The following YLPM1 variants were observed in gnomAD, a reference collection of about 807,000 sequenced individuals.
YLPM1 encodes the protein YLP motif containing 1, also known as YLP motif-containing protein 1.
A neutral mutation model predicts 230.0 loss-of-function variants in YLPM1; 99 were observed. That is an observed-to-expected ratio of 0.43 (90% CI 0.37 to 0.51). YLPM1 has a LOEUF of 0.51. Among genes scored for constraint, YLPM1 ranks in the 20% least tolerant of loss-of-function variants. The probability of loss-of-function intolerance (pLI) is 0.00; values close to 1 mark genes in which losing one functional copy is unlikely to be tolerated. For synonymous variants in YLPM1, 984 were observed against 942.5 expected, an observed-to-expected ratio of 1.04 and a Z score of -0.81; for missense variants, 2,592 against 2,707.7, an observed-to-expected ratio of 0.96 and a Z score of 0.95.
chr14:74,772,702 G>A (rs1407363759), intron 1 of YLPM1, among the ~76,000 whole-genome samples: 4 of 152,136 alleles, frequency 2.6e-5, no homozygotes, highest in East Asian at 1.9e-4. Context: ...ATTCAATCTC[G>A]TTTTAAATGT....
In YLPM1 at chr14:74,800,114, T is replaced by C. The variant is rs998238651; in HGVS notation, c.4400+417T>C. The stretch of plus-strand genomic sequence containing the variant: ...TAATCATTGATAAAACTTTGGAAAG[T>C]GCTGTATTTTTCTTTGTTGAAGCTA... On this transcript the variant is annotated intron_variant, in intron 5 of 20. Transcript: ENST00000325680. 5.9e-5 allele frequency among the ~76,000 whole-genome samples: 9 copies of C among 152,356 alleles called. No homozygotes were observed. In the South Asian group the frequency reaches 1.0e-3, roughly 18 times the overall value.
chr14:74,818,089 CAATATTAAATTAATATTTAACA>C, intron 15 of YLPM1, 120 bp from the exon 16 acceptor site: 10 of 336,436 alleles, frequency 3.0e-5, no homozygotes, highest in Non-Finnish European at 9.7e-6. Context: ...TTAGACTTTA[CAATATTAAATTAATATTTAACA>C]AATATTTAAT....
At chr14:74,803,932 T>C (rs2270431) in intron 6 of YLPM1, among the ~76,000 whole-genome samples, 95,309 of 151,868 alleles carry the variant, frequency 0.63, 30,389 homozygotes, top group East Asian at 0.72. Flanking sequence ...CCAAGGCGGG[T>C]GGATCACTTG....
chr14:74,777,990 A>G (rs2091058621), intron 1 of YLPM1, among the ~76,000 whole-genome samples: 1 of 151,876 alleles, frequency 6.6e-6, no homozygotes, highest in Non-Finnish European at 1.5e-5. Context: ...AAAAAGAAAG[A>G]AAAGAGGGAG....
At chr14:74,797,537 TC>T in intron 4 of YLPM1, 42 bp from the exon 5 acceptor site, 1 of 1,396,564 alleles carries the variant, frequency 7.2e-7, no homozygotes, top group African/African-American at 1.4e-5. Context: ...ATTTTTTTTT[TC>T]TGCTTTACTG....
At chr14:74,765,040 T>C (rs1026736561) in intron 1 of YLPM1, among the ~76,000 whole-genome samples, 1 of 152,206 alleles carries the variant, frequency 6.6e-6, no homozygotes, top group African/African-American at 2.4e-5. Context: ...ATGAGCAATT[T>C]TCTGCGTTTC....
chr14:74,789,112 A>G (rs1295938067), intron 4 of YLPM1, among the ~76,000 whole-genome samples: 1 of 152,074 alleles, frequency 6.6e-6, no homozygotes, highest in African/African-American at 2.4e-5. Context: ...CCTGTGGTCT[A>G]TTTGTCTGTC....
In YLPM1 at chr14:74,829,251, C is replaced by T. The variant is rs756217023; in HGVS notation, c.6202C>T (p.Arg2068Cys). 5.0e-6 allele frequency: 8 copies of T among 1,613,020 alleles called. No individual in the cohort carries two copies. Among genetic ancestry groups the T allele is most frequent in the South Asian group, 4.4e-5 (4 of 91,080 alleles). The change falls in exon 19 of 21, where the codon CGT becomes TGT. Residue 2068 changes from arginine to cysteine, a missense_variant. Coordinates refer to ENST00000325680, the MANE Select transcript of YLPM1 (RefSeq NM_019589.3). ...DGLRTGTKRK[R>C]DWEAIASRME... Reference sequence around the variant, plus strand: ...CTTGAGGACTGGTACTAAAAGGAAACGTGACTGGGAGGCCATTGCCAGCAG... The same window carrying T: ...CTTGAGGACTGGTACTAAAAGGAAATGTGACTGGGAGGCCATTGCCAGCAG...
chr14:74,772,687 C>A (rs369128549), intron 1 of YLPM1, among the ~76,000 whole-genome samples: 1 of 152,074 alleles, frequency 6.6e-6, no homozygotes, highest in Non-Finnish European at 1.5e-5. Flanking sequence ...GTTTGAAATC[C>A]CTTCATTCAA....
Position 74,835,430 on chromosome 14 carries a change from A to C in YLPM1, c.*19A>C. 6.2e-7 allele frequency: 1 copy of C among 1,612,524 alleles called. No homozygotes were observed. Among genetic ancestry groups the C allele is most frequent in the Non-Finnish European group, 8.5e-7 (1 of 1,179,054 alleles). On this transcript the variant is annotated 3_prime_UTR_variant, in exon 20 of 21. Coordinates refer to ENST00000325680, the MANE Select transcript of YLPM1 (RefSeq NM_019589.3). ...TATATGAGACTTAGTTTTTGAACGG[A>C]GTCATTATTCCTCTAAGGTAAGAGT...
intron 5 of YLPM1, among the ~76,000 whole-genome samples, chr14:74,802,316 A>C (rs2091335429): frequency 6.6e-6 from 1 of 152,126 alleles, no homozygotes; most frequent in Admixed American, 6.5e-5. Flanking sequence ...GGCAGGTTGT[A>C]GAATCTATTC....
chr14:74,808,090 A>G (rs2091396494), intron 6 of YLPM1, among the ~76,000 whole-genome samples: 1 of 152,218 alleles, frequency 6.6e-6, no homozygotes, highest in Admixed American at 6.5e-5. Flanking sequence ...AATTTGGAGT[A>G]TGGAAATTTT....
chr14:74,801,351 G>T (rs560584110), intron 5 of YLPM1, among the ~76,000 whole-genome samples: 13 of 152,106 alleles, frequency 8.5e-5, no homozygotes, highest in Non-Finnish European at 1.3e-4. Context: ...CCCTTACTTT[G>T]TGGTCCCTCA....
chr14:74,793,879 C>T (rs1275353703), intron 4 of YLPM1, among the ~76,000 whole-genome samples: 3 of 152,174 alleles, frequency 2.0e-5, no homozygotes, highest in Admixed American at 2.0e-4. Flanking sequence ...AAGTTTTACT[C>T]CTTTCCTTCC....
At chr14:74,796,472 G>C (rs908471513) in intron 4 of YLPM1, among the ~76,000 whole-genome samples, 1 of 152,098 alleles carries the variant, frequency 6.6e-6, no homozygotes, top group African/African-American at 2.4e-5. Context: ...CTCAACATAA[G>C]CCTCTCCAAT....
rs564026275 is a variant in YLPM1, at chr14:74,780,944, A to G, written c.1290+360A>G. 6.6e-5 allele frequency among the ~76,000 whole-genome samples: 10 copies of G among 152,362 alleles called. No individual in the cohort carries two copies. In the South Asian group the frequency reaches 2.1e-3, roughly 32 times the overall value. On this transcript the variant is annotated intron_variant, in intron 3 of 20. Transcript: ENST00000325680. ...CAGCCATCACAAAAAACCTAAGCAA[A>G]TATACCGTAAAAGATAAAGTGACTT...
chr14:74,835,202 G>A lies in YLPM1; in HGVS notation c.6295-63G>A, dbSNP rs571717480. The stretch of plus-strand genomic sequence containing the variant: ...TTCTACCCCTTAGACTGTCCAGAGA[G>A]GGAGGGGGCTCTTTGCATATTTATT... On this transcript the variant is annotated intron_variant, in intron 19 of 20. Coordinates refer to ENST00000325680, the MANE Select transcript of YLPM1 (RefSeq NM_019589.3). 1.9e-6 allele frequency: 3 copies of A among 1,590,370 alleles called. No homozygotes were observed. In the Admixed American group the frequency reaches 5.3e-5, roughly 28 times the overall value.
intron 19 of YLPM1, among the ~76,000 whole-genome samples, chr14:74,831,806 G>A (rs1426909714): frequency 1.3e-5 from 2 of 152,164 alleles, no homozygotes; most frequent in Non-Finnish European, 2.9e-5. Flanking sequence ...CTGTGATTCA[G>A]CTTGTTACAG....
chr14:74,772,219 T>A (rs1223077769), intron 1 of YLPM1, among the ~76,000 whole-genome samples: 1 of 108,010 alleles, frequency 9.3e-6, no homozygotes, highest in African/African-American at 3.3e-5. Flanking sequence ...ACATCTTTCT[T>A]TTTTTTTTTT....
Sources: allele counts gnomAD v4.1 joint callset (sites outside exome capture counted in the v4.1 genomes callset), GRCh38; gene constraint gnomAD v4.1.1; transcripts MANE v1.5; gene names NCBI Gene and HGNC (gene_info 2026-07-23, HGNC 2026-07-21).